The following MIOS variants were observed in gnomAD, a reference collection of about 807,000 sequenced individuals.
MIOS encodes the protein meiosis regulator for oocyte development.
A neutral mutation model predicts 96.9 loss-of-function variants in MIOS; 52 were observed. The ratio of observed to expected loss-of-function variants is 0.54; its 90% CI spans 0.43 to 0.68. The LOEUF (loss-of-function observed/expected upper bound fraction) is 0.68. Among genes scored for constraint, MIOS ranks in the 30% least tolerant of loss-of-function variants. The pLI is 0.00. For missense variants in MIOS, 1,005 were observed against 1,052.8 expected (o/e 0.95, Z 0.63); for synonymous variants, 397 against 359.5 (o/e 1.10, Z -1.18).
intron 3 of MIOS, among the ~76,000 whole-genome samples, chr7:7,571,551 T>G (rs2077343029): frequency 2.0e-5 from 3 of 152,252 alleles, no homozygotes; most frequent in African/African-American, 7.2e-5. Flanking sequence ...ATGAAGAGAT[T>G]AAAGTCAATT....
chr7:7,607,209 A>G lies in MIOS; in HGVS notation c.*117A>G. ...ATGACTTACCTGTAATGGGAAAATAAATCATTCTATCAGATCAGCAGTTTT... is the reference window on the plus strand; with the variant it reads ...ATGACTTACCTGTAATGGGAAAATAGATCATTCTATCAGATCAGCAGTTTT... On this transcript the variant is annotated 3_prime_UTR_variant, in exon 13 of 13. Transcript: ENST00000340080. The G allele has an allele frequency of 1.4e-6, 1 of 690,172 alleles. No individual in the cohort carries two copies. The allele number at this position is 690,172 out of a possible 1,614,324, so 42.8% of individuals were successfully genotyped here.
chr7:7,593,910 A>G (rs1380537611), intron 9 of MIOS, among the ~76,000 whole-genome samples: 1 of 151,146 alleles, frequency 6.6e-6, no homozygotes, highest in Non-Finnish European at 1.5e-5. Context: ...AAGAAAAGAA[A>G]AAAAGAAAAC....
rs189171121 is a variant in MIOS at position 7,578,926 on chromosome 7, G to T, written c.1394-4192G>T. ...GGGTTTTGCCACATTGGCCAGGCTG[G>T]TCTCAAACTCCTAACCTCAAGTGAT... On this transcript the variant is annotated intron_variant, in intron 5 of 12. Coordinates refer to ENST00000340080, the MANE Select transcript of MIOS (RefSeq NM_019005.4). 1.4e-3 allele frequency among the ~76,000 whole-genome samples: 208 copies of T among 152,208 alleles called. 5 individuals carry two copies. Among genetic ancestry groups the T allele is most frequent in the Admixed American group, 0.011 (169 of 15,286 alleles).
chr7:7,606,861 G>A, intron 12 of MIOS, 135 bp from the exon 13 acceptor site: 1 of 646,474 alleles, frequency 1.5e-6, no homozygotes, highest in Non-Finnish European at 2.6e-6. Flanking sequence ...TGAGGCAGGA[G>A]GATCACTTGA....
In MIOS at chr7:7,605,959, GA is replaced by G; in HGVS notation, c.2424del (p.Val809TrpfsTer3). ...TGTCATAGGAGGAACCAAATCAGAT[GA>G]AAAAGTGGACTTGAGCAAGGACAAA... ...SSCPGGTKSD[E>X]KVDLSKDKKL... On this transcript the variant is annotated frameshift_variant, in exon 12 of 13. Transcript: ENST00000340080. The G allele has an allele frequency of 6.2e-7, 1 of 1,613,594 alleles. No individual in the cohort carries two copies. The highest frequency in any genetic ancestry group is 8.5e-7 in the Non-Finnish European group (1 of 1,179,664).
chr7:7,597,343 A>T (rs1431209821), intron 11 of MIOS, among the ~76,000 whole-genome samples: 3 of 130,954 alleles, frequency 2.3e-5, no homozygotes, highest in Non-Finnish European at 3.3e-5. Context: ...AAAAAAAAAA[A>T]TGTTTTTAAT....
At chr7:7,581,275 C>T (rs1036680731) in intron 5 of MIOS, among the ~76,000 whole-genome samples, 4 of 151,574 alleles carry the variant, frequency 2.6e-5, no homozygotes, top group African/African-American at 9.7e-5. Flanking sequence ...TGCACTCCAG[C>T]CTGGGTGACA....
intron 5 of MIOS, among the ~76,000 whole-genome samples, chr7:7,577,097 T>C (rs1783560123): frequency 6.6e-6 from 1 of 152,082 alleles, no homozygotes; most frequent in African/African-American, 2.4e-5. Flanking sequence ...TGATATTTGA[T>C]AGAGTAAATG....
At chr7:7,595,403 T>C (rs1218104141) in intron 10 of MIOS, among the ~76,000 whole-genome samples, 2 of 152,214 alleles carry the variant, frequency 1.3e-5, no homozygotes, top group Admixed American at 6.5e-5. Flanking sequence ...TCTAAACTAT[T>C]ACATTATCTT....
At chr7:7,598,358 G>C (rs1784276275) in intron 11 of MIOS, among the ~76,000 whole-genome samples, 1 of 152,120 alleles carries the variant, frequency 6.6e-6, no homozygotes. Context: ...TAACATTTAT[G>C]AAAGACTTGC....
intron 11 of MIOS, among the ~76,000 whole-genome samples, chr7:7,598,522 T>C (rs1784280899): frequency 6.7e-6 from 1 of 149,820 alleles, no homozygotes; most frequent in Admixed American, 6.6e-5. Context: ...CACTGTTTTA[T>C]GTTAACTCTG....
chr7:7,605,986 A>C lies in MIOS; in HGVS notation c.2446A>C (p.Lys816Gln). ...DEKVDLSKDK[K>Q]LAQFNNWFTW... ...AAAAGTGGACTTGAGCAAGGACAAA[A>C]AATTAGCCCAATTTAACAACTGGTT... Residue 816 changes from lysine to glutamine, a missense_variant, in exon 12 of 13, where the codon AAA becomes CAA. By Grantham distance (53) the Lys-to-Gln change is moderately conservative. Around this residue, in one of 3 missense-constraint regions of MIOS, gnomAD observed 865 missense variants for 887.9 expected, o/e 0.97. Transcript: ENST00000340080. 6.2e-7 allele frequency: 1 copy of C among 1,613,980 alleles called. No homozygotes were observed. The highest frequency in any genetic ancestry group is 8.5e-7 in the Non-Finnish European group (1 of 1,179,890).
rs547512586 is a variant in MIOS, at chr7:7,573,201, C to G, written c.726C>G (p.Ser242=). The change falls in exon 4 of 13, where the codon TCC becomes TCG. Residue 242 remains serine (S), a synonymous_variant. Transcript: ENST00000340080. This position sits in a 1 kb window ranked among gnomAD's most constrained non-coding sequence, Gnocchi z 5.0. ...CATATTTCCACGATCGTGTTGCTTC[C>G]TTCTATGAAGGTCAGGTTGCAATAT... ...VDPYFHDRVA[S]FYEGQVAIWD... is the part of the protein sequence containing the mutation. The G allele has an allele frequency of 6.2e-7, 1 of 1,614,108 alleles. No homozygotes were observed. The highest frequency in any genetic ancestry group is 8.5e-7 in the Non-Finnish European group (1 of 1,179,984).
At chr7:7,597,288 T>C (rs1784231022) in intron 11 of MIOS, among the ~76,000 whole-genome samples, 1 of 150,282 alleles carries the variant, frequency 6.7e-6, no homozygotes, top group Non-Finnish European at 1.5e-5. Flanking sequence ...ATCATGCCAC[T>C]GCACTCCAGC....
At chr7:7,581,327 A>G (rs1783718687) in intron 5 of MIOS, among the ~76,000 whole-genome samples, 1 of 152,118 alleles carries the variant, frequency 6.6e-6, no homozygotes, top group Non-Finnish European at 1.5e-5. Flanking sequence ...AAAATTTTAT[A>G]TATGTAATTT....
At chr7:7,593,571 A>G (rs1784109385) in intron 9 of MIOS, among the ~76,000 whole-genome samples, 1 of 152,064 alleles carries the variant, frequency 6.6e-6, no homozygotes, top group African/African-American at 2.4e-5. Flanking sequence ...TAAGGAAGAT[A>G]TCCTGGACAG....
chr7:7,579,916 A>G (rs1004216030), intron 5 of MIOS, among the ~76,000 whole-genome samples: 5 of 152,196 alleles, frequency 3.3e-5, no homozygotes, highest in African/African-American at 1.2e-4. Flanking sequence ...TAATCAACTC[A>G]TGACTGGATT....
In MIOS at chr7:7,586,155, C is replaced by CGT. The variant is rs10527974; in HGVS notation, c.1818+389_1818+390dup. Among the ~76,000 whole-genome samples, 830 of 150,036 alleles carry CGT rather than the reference C, an allele frequency of 5.5e-3. 3 individuals are homozygous for CGT. The highest frequency in any genetic ancestry group is 8.9e-3 in the South Asian group (42 of 4,696). Reference sequence around the variant, plus strand: ...GCTGTTTACACTGTGCACACATGCACGTGTGTGTGTGTGTGTGTGTGTGTG... The same window carrying CGT: ...GCTGTTTACACTGTGCACACATGCACGTGTGTGTGTGTGTGTGTGTGTGTGTG... On this transcript the variant is annotated intron_variant, in intron 7 of 12. Transcript: ENST00000340080.
rs377019876 is a variant in MIOS at position 7,573,553 on chromosome 7, T to C, written c.1078T>C (p.Trp360Arg). The C allele has an allele frequency of 1.7e-5, 28 of 1,613,990 alleles. No individual in the cohort carries two copies. The highest frequency in any genetic ancestry group is 2.7e-5 in the African/African-American group (2 of 74,942). The change falls in exon 4 of 13, where the codon TGG becomes CGG. Residue 360 changes from tryptophan to arginine, a missense_variant. This residue lies in a region of MIOS where 865 missense variants were observed against 887.9 expected (regional missense o/e 0.97). Coordinates refer to ENST00000340080, the MANE Select transcript of MIOS (RefSeq NM_019005.4). The surrounding 1 kb of genome is among the most constrained non-coding windows in gnomAD (Gnocchi z 5.0). ...TGTTTTTGAAAGGATATCTCTTGCC[T>C]GGAGCCCAATTACATCTTTAATGTG... ...FTVFERISLA[W>R]SPITSLMWAC...
Sources: gnomAD v4.1 joint callset for allele counts (sites outside exome capture counted in the v4.1 genomes callset) on GRCh38, gnomAD v4.1.1 for gene constraint, gnomAD v4.1.1 regional missense constraint, Gnocchi (gnomAD v3.1) non-coding constraint, MANE v1.5 for transcripts, NCBI Gene and HGNC (gene_info 2026-07-23, HGNC 2026-07-21) for gene names.